Variants in PRKN observed in about 807,000 individuals in gnomAD.
PRKN encodes the protein parkin RBR E3 ubiquitin protein ligase.
Under a neutral mutation model 59.5 loss-of-function variants are expected in PRKN, and 56 were observed. That is an observed-to-expected ratio of 0.94 (90% CI 0.76 to 1.18). PRKN has a LOEUF of 1.18. PRKN is among the 50% of genes most tolerant of loss of function. The probability of loss-of-function intolerance (pLI) is 0.00; values close to 1 mark genes in which losing one functional copy is unlikely to be tolerated. For missense variants in PRKN, 657 were observed against 596.4 expected (o/e 1.10, Z -1.06); for synonymous variants, 250 against 222.1 (o/e 1.13, Z -1.12).
rs1778658499 is a variant in PRKN at position 162,235,958 on chromosome 6, G to GAAGAAA, written c.412+26561_412+26566dup. On this transcript the variant is annotated intron_variant, in intron 3 of 11. Transcript: ENST00000366898. ...GGAAGGAAGGAAGGAAGGAAGAAAG[G>GAAGAAA]AAGAAAGAAAGAAAGAAAGAAAGAA... Among the ~76,000 whole-genome samples the GAAGAAA allele has an allele frequency of 1.9e-4, 18 of 92,600 alleles. 1 individual carries two copies. The highest frequency in any genetic ancestry group is 3.2e-4 in the Non-Finnish European group (14 of 43,138). 60.7% of individuals were successfully genotyped at this position (92,600 alleles called of 152,430 possible). A position where few individuals can be genotyped will look rare whatever the true frequency, so the allele number is the denominator to read the frequency against.
chr6:161,899,975 A>C (rs1159907433), intron 6 of PRKN, among the ~76,000 whole-genome samples: 1 of 152,024 alleles, frequency 6.6e-6, no homozygotes, highest in African/African-American at 2.4e-5. Flanking sequence ...TACAAAAATT[A>C]GCTGGGCGTC....
intron 1 of PRKN, among the ~76,000 whole-genome samples, chr6:162,611,242 T>C (rs1782132839): frequency 6.6e-6 from 1 of 152,226 alleles, no homozygotes; most frequent in Non-Finnish European, 1.5e-5. Flanking sequence ...CCTTGTTCTC[T>C]TCAATGTATA....
intron 5 of PRKN, among the ~76,000 whole-genome samples, chr6:162,033,156 G>A (rs943674771): frequency 2.0e-5 from 3 of 152,140 alleles, no homozygotes; most frequent in African/African-American, 7.2e-5. Context: ...TACAAGTGCT[G>A]ACCATGGATC....
intron 3 of PRKN, among the ~76,000 whole-genome samples, chr6:162,232,404 C>T (rs887718944): frequency 1.3e-5 from 2 of 152,154 alleles, no homozygotes; most frequent in Non-Finnish European, 1.5e-5. Flanking sequence ...TTCCTCCTCA[C>T]TCCCCAACTC....
Position 161,371,413 on chromosome 6 carries a change from C to T in PRKN, c.1168-11208G>A, listed in dbSNP as rs1785439228. Among the ~76,000 whole-genome samples the T allele has an allele frequency of 6.6e-6, 1 of 152,050 alleles. No individual in the cohort carries two copies. The highest frequency in any genetic ancestry group is 2.1e-4 in the South Asian group (1 of 4,824). On this transcript the variant is annotated intron_variant, in intron 10 of 11. Coordinates refer to ENST00000366898, the MANE Select transcript of PRKN (RefSeq NM_004562.3). This position sits in a 1 kb window ranked among gnomAD's most constrained non-coding sequence, Gnocchi z 5.5. ...CTCCTGACCTCAGGTGATCTGCCCG[C>T]CTCCGTCTCCCAAAGTGCTTGGATT...
At chr6:162,633,995 A>T (rs961393218) in intron 1 of PRKN, among the ~76,000 whole-genome samples, 2 of 152,188 alleles carry the variant, frequency 1.3e-5, no homozygotes, top group Non-Finnish European at 2.9e-5. Context: ...TACATGAAAA[A>T]TATACCACAC....
chr6:161,972,894 GTGGTGGCACATGCCTAA>G (rs1447818106), intron 6 of PRKN, among the ~76,000 whole-genome samples: 1 of 152,180 alleles, frequency 6.6e-6, no homozygotes, highest in Non-Finnish European at 1.5e-5. Flanking sequence ...TTAGCTGGGT[GTGGTGGCACATGCCTAA>G]TGTTAACATT....
At chr6:162,447,730 TG>T (rs1253911142) in intron 1 of PRKN, among the ~76,000 whole-genome samples, 1 of 152,132 alleles carries the variant, frequency 6.6e-6, no homozygotes, top group Non-Finnish European at 1.5e-5. Context: ...CAATAATTAA[TG>T]ATTCTTAAAT....
At chr6:161,692,377 C>T (rs566012792) in intron 7 of PRKN, among the ~76,000 whole-genome samples, 1 of 152,336 alleles carries the variant, frequency 6.6e-6, no homozygotes, top group East Asian at 1.9e-4. Context: ...CTAATGACCA[C>T]TGAGCACGTC....
chr6:161,659,732 G>T (rs965888470), intron 7 of PRKN, among the ~76,000 whole-genome samples: 3 of 151,462 alleles, frequency 2.0e-5, no homozygotes, highest in Non-Finnish European at 4.4e-5. Flanking sequence ...GTCAGATCTC[G>T]GCTTGTCGTC....
At chr6:162,242,373 T>C (rs939746911) in intron 3 of PRKN, among the ~76,000 whole-genome samples, 2 of 152,138 alleles carry the variant, frequency 1.3e-5, no homozygotes, top group African/African-American at 4.8e-5. Flanking sequence ...CTGAGAAAGT[T>C]GCTCAGTTCA....
chr6:162,442,618 G>C (rs1790113200), intron 2 of PRKN, among the ~76,000 whole-genome samples: 1 of 152,134 alleles, frequency 6.6e-6, no homozygotes, highest in African/African-American at 2.4e-5. Flanking sequence ...GCAGTGGGCT[G>C]CCAGAAGCTC....
intron 2 of PRKN, among the ~76,000 whole-genome samples, chr6:162,386,628 C>T (rs1284019907): frequency 1.3e-5 from 2 of 152,190 alleles, no homozygotes; most frequent in Non-Finnish European, 2.9e-5. Flanking sequence ...TGCACATCCC[C>T]GTGCCTGTGC....
chr6:161,438,361 G>A (rs1789028184), intron 9 of PRKN, among the ~76,000 whole-genome samples: 2 of 151,758 alleles, frequency 1.3e-5, no homozygotes, highest in South Asian at 2.1e-4. Flanking sequence ...AGAACTACAG[G>A]CACACACCAC....
chr6:161,805,565 G>C (rs1387646751), intron 6 of PRKN, among the ~76,000 whole-genome samples: 1 of 151,796 alleles, frequency 6.6e-6, no homozygotes, highest in Non-Finnish European at 1.5e-5. Flanking sequence ...ACTATTTCCT[G>C]TTGCTCTAGT....
intron 1 of PRKN, among the ~76,000 whole-genome samples, chr6:162,715,421 C>T (rs1012495419): frequency 2.0e-5 from 3 of 152,178 alleles, no homozygotes; most frequent in African/African-American, 7.2e-5. Context: ...AGGAAAATAA[C>T]TCTGTCAAGA....
chr6:161,963,222 A>T (rs1780451429), intron 6 of PRKN, among the ~76,000 whole-genome samples: 1 of 152,246 alleles, frequency 6.6e-6, no homozygotes, highest in Non-Finnish European at 1.5e-5. Flanking sequence ...AGATCCAGAC[A>T]GTTACAACAC....
chr6:161,577,443 G>A (rs955271105), intron 7 of PRKN, among the ~76,000 whole-genome samples: 5 of 152,112 alleles, frequency 3.3e-5, no homozygotes, highest in East Asian at 1.9e-4. Context: ...ATTCAATAAC[G>A]TATAGACCTG....
rs555927749 is a variant in PRKN, at chr6:162,648,288, C to A, written c.7+79374G>T. On this transcript the variant is annotated intron_variant, in intron 1 of 11. Coordinates refer to ENST00000366898, the MANE Select transcript of PRKN (RefSeq NM_004562.3). ...CTCTGTACTGTGATTTTACATTATACTAAATGGGATTCCAATGGTCACTAT... is the reference window on the plus strand; with the variant it reads ...CTCTGTACTGTGATTTTACATTATAATAAATGGGATTCCAATGGTCACTAT... Among the ~76,000 whole-genome samples, 117 of 152,116 alleles carry A rather than the reference C, an allele frequency of 7.7e-4. 2 individuals carry two copies. Among genetic ancestry groups the A allele is most frequent in the Middle Eastern group, 3.4e-3 (1 of 294 alleles).
Sources: allele counts gnomAD v4.1 joint callset (sites outside exome capture counted in the v4.1 genomes callset), GRCh38; gene constraint gnomAD v4.1.1; non-coding constraint Gnocchi (gnomAD v3.1); transcripts MANE v1.5; gene names NCBI Gene and HGNC (gene_info 2026-07-23, HGNC 2026-07-21).